The following PCDHA9 variants were observed in gnomAD, a reference collection of about 807,000 sequenced individuals.
The protein encoded by PCDHA9 is protocadherin alpha 9, also known as protocadherin alpha-9.
PCDHA9 carries 62 observed loss-of-function variants against 62.0 expected under a neutral mutation model. The ratio of observed to expected loss-of-function variants is 1.00; its 90% CI spans 0.81 to 1.23. The LOEUF is 1.23. PCDHA9 is among the 50% of genes most tolerant of loss of function. The probability of loss-of-function intolerance (pLI) is 0.00; values close to 1 mark genes in which losing one functional copy is unlikely to be tolerated. For synonymous variants in PCDHA9, 557 were observed against 567.6 expected (o/e 0.98, Z 0.27); for missense variants, 1,205 against 1,249.8 (o/e 0.96, Z 0.54).
At chr5:140,925,217 G>T (rs1217593393) in intron 1 of PCDHA9, among the ~76,000 whole-genome samples, 1 of 152,154 alleles carries the variant, frequency 6.6e-6, no homozygotes, top group Non-Finnish European at 1.5e-5. Flanking sequence ...ATACTTTTAG[G>T]CAGGTTTCTA....
intron 3 of PCDHA9, among the ~76,000 whole-genome samples, chr5:141,004,019 A>G (rs2098147783): frequency 6.6e-6 from 1 of 152,244 alleles, no homozygotes; most frequent in South Asian, 2.1e-4. Flanking sequence ...CACTGAAAGA[A>G]GAAACATTTC....
At chr5:140,876,773 C>A (rs782103064) in intron 1 of PCDHA9, 2 of 1,614,226 alleles carry the variant, frequency 1.2e-6, no homozygotes, top group South Asian at 2.2e-5. Context: ...GGCTCGCCTT[C>A]GCTGTGGGCC....
chr5:140,928,234 C>T lies in PCDHA9; in HGVS notation c.2395-50715C>T, dbSNP rs1319421246. The T allele has an allele frequency of 4.3e-6, 7 of 1,614,096 alleles. No homozygotes were observed. In the African/African-American group the frequency reaches 8.0e-5, roughly 18 times the overall value. On this transcript the variant is annotated intron_variant, in intron 1 of 3. Transcript: ENST00000532602. ...TGACAATACACCAAACTTTCCTCAA[C>T]CCCAGCAGGAACTTTTCGTTGCTGA...
chr5:140,990,342 C>A (rs2097389388), intron 3 of PCDHA9, among the ~76,000 whole-genome samples: 1 of 152,124 alleles, frequency 6.6e-6, no homozygotes, highest in Non-Finnish European at 1.5e-5. Flanking sequence ...TAAGTAAAGC[C>A]TGCCCTGTAC....
chr5:140,917,633 A>T (rs537704186), intron 1 of PCDHA9, among the ~76,000 whole-genome samples: 1 of 152,268 alleles, frequency 6.6e-6, no homozygotes, highest in East Asian at 1.9e-4. Context: ...ATGGTTAGCT[A>T]GTTATCCCAG....
chr5:140,907,697 C>T (rs1425951971), intron 1 of PCDHA9, among the ~76,000 whole-genome samples: 2 of 152,202 alleles, frequency 1.3e-5, no homozygotes, highest in African/African-American at 2.4e-5. Context: ...GTGGAAGTCC[C>T]TGTTGCTGAG....
At chr5:140,853,047 T>C in intron 1 of PCDHA9, 1 of 270,060 alleles carries the variant, frequency 3.7e-6, no homozygotes, top group Non-Finnish European at 5.9e-6. Context: ...CCCGCCTAAT[T>C]TTTTTGTATT....
chr5:140,978,575 G>A (rs2096810585), intron 1 of PCDHA9, among the ~76,000 whole-genome samples: 1 of 152,202 alleles, frequency 6.6e-6, no homozygotes, highest in African/African-American at 2.4e-5. Flanking sequence ...ATACTGAATT[G>A]GGAATGTTCC....
chr5:140,943,090 C>G (rs554425182), intron 1 of PCDHA9, among the ~76,000 whole-genome samples: 3 of 151,542 alleles, frequency 2.0e-5, no homozygotes, highest in African/African-American at 7.3e-5. Context: ...AATCCTGCCT[C>G]TACTAAAAAA....
chr5:140,853,726 C>T lies in PCDHA9; in HGVS notation c.2394+2837C>T, dbSNP rs545120074. 3.5e-4 allele frequency: 346 copies of T among 988,324 alleles called. 23 individuals are homozygous for T. The highest frequency in any genetic ancestry group is 4.1e-4 in the Non-Finnish European group (339 of 820,418). The allele number at this position is 988,324 out of a possible 1,614,324, so 61.2% of individuals were successfully genotyped here. On this transcript the variant is annotated intron_variant, in intron 1 of 3. Transcript: ENST00000532602. ...CATTAGCATTAGCAGCACCTAAGTC[C>T]TCATTGAATGTTCTGGTTCAAGGCT...
rs934481202 is a variant in PCDHA9, at chr5:140,902,279, C to A, written c.2394+51390C>A. On this transcript the variant is annotated intron_variant, in intron 1 of 3. Coordinates refer to ENST00000532602, the MANE Select transcript of PCDHA9 (RefSeq NM_031857.2). ...TCTCGAACTCCTGGGCTCAAGCAATCCTCCTGCCTCAGCCTCCCAAAGTGC... is the reference window on the plus strand; with the variant it reads ...TCTCGAACTCCTGGGCTCAAGCAATACTCCTGCCTCAGCCTCCCAAAGTGC... Among the ~76,000 whole-genome samples the A allele has an allele frequency of 2.7e-5, 4 of 148,452 alleles. No individual in the cohort carries two copies. The Admixed American group carries it at 2.7e-4, about 10-fold the overall frequency.
At chr5:140,974,827 G>T (rs1356890991) in intron 1 of PCDHA9, among the ~76,000 whole-genome samples, 1 of 152,182 alleles carries the variant, frequency 6.6e-6, no homozygotes. Context: ...GCAACATAAT[G>T]ATTATTTTAA....
At chr5:140,960,483 T>G (rs1554224788) in intron 1 of PCDHA9, among the ~76,000 whole-genome samples, 1 of 151,978 alleles carries the variant, frequency 6.6e-6, no homozygotes, top group Non-Finnish European at 1.5e-5. Flanking sequence ...TACACAGAGG[T>G]GTAGGTTTGT....
chr5:140,912,064 A>G (rs1388725837), intron 1 of PCDHA9, among the ~76,000 whole-genome samples: 10 of 152,216 alleles, frequency 6.6e-5, no homozygotes, highest in Non-Finnish European at 1.0e-4. Flanking sequence ...TTGGAGTCCA[A>G]TGTTCAAGGG....
rs139717123 is a variant in PCDHA9, at chr5:140,967,213, G to A, written c.2395-11736G>A. 8 of 1,613,598 alleles carry A rather than the reference G, an allele frequency of 5.0e-6. No individual in the cohort carries two copies. The African/African-American group carries it at 8.0e-5, about 16-fold the overall frequency. On this transcript the variant is annotated intron_variant, in intron 1 of 3. Coordinates refer to ENST00000532602, the MANE Select transcript of PCDHA9 (RefSeq NM_031857.2). ...TCAACGACAACTCACCGCGTTTCCC[G>A]CGGCCCAACTACCAGCTTCAGGTAA...
At chr5:140,907,534 T>G (rs2073435289) in intron 1 of PCDHA9, among the ~76,000 whole-genome samples, 1 of 152,204 alleles carries the variant, frequency 6.6e-6, no homozygotes, top group African/African-American at 2.4e-5. Flanking sequence ...CGCTGCCCTT[T>G]CTATGATGGA....
In PCDHA9 at chr5:140,876,702, C is replaced by A. The variant is rs1554168805; in HGVS notation, c.2394+25813C>A. 6.2e-7 allele frequency: 1 copy of A among 1,614,242 alleles called. No homozygotes were observed. Among genetic ancestry groups the A allele is most frequent in the Admixed American group, 1.7e-5 (1 of 60,028 alleles). The stretch of plus-strand genomic sequence containing the variant: ...AGAATTACTACTCGTTGGTGCTGGA[C>A]AGCGCCCTGGACCGCGAGAGCGTGT... On this transcript the variant is annotated intron_variant, in intron 1 of 3. Coordinates refer to ENST00000532602, the MANE Select transcript of PCDHA9 (RefSeq NM_031857.2).
At chr5:140,973,959 G>A (rs782474164) in intron 1 of PCDHA9, among the ~76,000 whole-genome samples, 2 of 152,198 alleles carry the variant, frequency 1.3e-5, no homozygotes, top group Admixed American at 6.5e-5. Flanking sequence ...TTTTACAGGT[G>A]TCTTTAAATG....
At chr5:140,925,787 C>T (rs972978659) in intron 1 of PCDHA9, among the ~76,000 whole-genome samples, 2 of 152,040 alleles carry the variant, frequency 1.3e-5, no homozygotes, top group Admixed American at 6.6e-5. Context: ...TAATGAGTAT[C>T]TCAGTACTTT....
Sources: gnomAD v4.1 joint callset for allele counts (sites outside exome capture counted in the v4.1 genomes callset) on GRCh38, gnomAD v4.1.1 for gene constraint, MANE v1.5 for transcripts, NCBI Gene and HGNC (gene_info 2026-07-23, HGNC 2026-07-21) for gene names.